CDH3: variants seen among roughly 807,000 people sequenced by gnomAD.
The protein encoded by CDH3 is cadherin 3.
In CDH3, 54 loss-of-function variants were observed where a neutral mutation model predicts 82.0. That is an observed-to-expected ratio of 0.66 (90% CI 0.53 to 0.83). The LOEUF (loss-of-function observed/expected upper bound fraction) is 0.83. Among genes scored for constraint, CDH3 ranks in the 40% least tolerant of loss-of-function variants. The pLI, the probability that CDH3 is intolerant of heterozygous loss-of-function variation, is 0.00. For missense variants in CDH3, 1,054 were observed against 1,084.6 expected (o/e 0.97, Z 0.40); for synonymous variants, 446 against 437.9 (o/e 1.02, Z -0.23).
chr16:68,711,333 AAAAAAGAAAG>A (rs1009694463), intron 1 of CDH3, among the ~76,000 whole-genome samples: 14 of 151,922 alleles, frequency 9.2e-5, no homozygotes, highest in African/African-American at 2.4e-4. Context: ...GAGAAAGAGA[AAAAAAGAAAG>A]AAAAAGAAAG....
At chr16:68,646,056 C>T (rs183212891) in intron 2 of CDH3, 15 of 436,754 alleles carry the variant, frequency 3.4e-5, no homozygotes, top group Middle Eastern at 6.5e-4. Context: ...CCCCCGCTGG[C>T]CCCAGCAGAG....
At chr16:68,685,405 A>G in intron 11 of CDH3, 55 bp downstream of exon 11, 3 of 1,574,436 alleles carry the variant, frequency 1.9e-6, no homozygotes, top group East Asian at 2.2e-5. Flanking sequence ...CTCAGGTCAC[A>G]TGACACAGCA....
At chr16:68,686,702 G>T (rs1238815594) in intron 11 of CDH3, 8 of 758,618 alleles carry the variant, frequency 1.1e-5, no homozygotes, top group Non-Finnish European at 1.7e-5. Context: ...GTCACTATTG[G>T]AATGGCATCA....
At chr16:68,709,250 T>C (rs1415726662) in intron 1 of CDH3, among the ~76,000 whole-genome samples, 1 of 152,086 alleles carries the variant, frequency 6.6e-6, no homozygotes, top group Non-Finnish European at 1.5e-5. Context: ...TGATTTTTTG[T>C]TTTTGGTAAG....
Position 68,687,655 on chromosome 16 carries a change from C to T in CDH3, c.1714C>T (p.Leu572=), listed in dbSNP as rs1567453455. The stretch of plus-strand genomic sequence containing the variant: ...GGTGCTGAACATCACGGACAAGGAC[C>T]TGTCTCCCCACACCTCCCCTTTCCA... The part of the protein sequence containing the change: ...RQVLNITDKD[L]SPHTSPFQAQ... Residue 572 remains leucine, a synonymous_variant, in exon 12 of 16, where the codon CTG becomes TTG. Coordinates refer to ENST00000264012, the MANE Select transcript of CDH3 (RefSeq NM_001793.6). 3 of 1,614,122 alleles carry T rather than the reference C, an allele frequency of 1.9e-6. No individual in the cohort carries two copies. The highest frequency in any genetic ancestry group is 1.1e-5 in the South Asian group (1 of 91,076).
chr16:68,731,391 A>T (rs1447096246), downstream of CDH3, among the ~76,000 whole-genome samples: 84 of 7,338 alleles, frequency 0.011, 11 homozygotes, highest in Middle Eastern at 0.071. Context: ...AAAAAAAAAA[A>T]AAAAATATAT....
chr16:68,728,583 A>T (rs1022150192), downstream of CDH3, among the ~76,000 whole-genome samples: 3 of 152,162 alleles, frequency 2.0e-5, no homozygotes, highest in Non-Finnish European at 2.9e-5. Context: ...GGCTTGAGCC[A>T]CCACGCCCAG....
chr16:68,665,733 G>A (rs939944607), intron 2 of CDH3, among the ~76,000 whole-genome samples: 1 of 152,052 alleles, frequency 6.6e-6, no homozygotes, highest in Non-Finnish European at 1.5e-5. Context: ...TGAGTCAGCC[G>A]CGTTCCAAAC....
intron 1 of CDH3, among the ~76,000 whole-genome samples, chr16:68,711,704 G>T (rs1962033279): frequency 1.3e-5 from 2 of 152,216 alleles, no homozygotes; most frequent in African/African-American, 4.8e-5. Flanking sequence ...CTCCCCACTG[G>T]GGTGGTTTCC....
At chr16:68,689,826 G>A (rs973938445) in intron 12 of CDH3, among the ~76,000 whole-genome samples, 8 of 151,558 alleles carry the variant, frequency 5.3e-5, no homozygotes, top group Admixed American at 2.0e-4. Context: ...GAGATAGGCT[G>A]ACAACCCGGG....
chr16:68,662,271 G>GT, intron 2 of CDH3, among the ~76,000 whole-genome samples: 1 of 152,264 alleles, frequency 6.6e-6, no homozygotes, highest in East Asian at 1.9e-4. Context: ...GAGGCTCAAT[G>GT]TGGCTAGAGA....
At chr16:68,721,464 C>G (rs1023498776) in intron 1 of CDH3, among the ~76,000 whole-genome samples, 4 of 151,976 alleles carry the variant, frequency 2.6e-5, no homozygotes, top group African/African-American at 9.7e-5. Flanking sequence ...GAACTCCTAA[C>G]CTCAGATGAT....
At position 68,707,042 on chromosome 16, in the gene CDH3, TG is replaced by T. The variant is rs1961973580; in HGVS notation, c.99+11124del. On this transcript the variant is annotated intron_variant, in intron 1 of 2. Transcript: ENST00000569080. This position sits in a 1 kb window ranked among gnomAD's most constrained non-coding sequence, Gnocchi z 4.5. ...GGATGGGGCCTAGGGAGGAAGGGCCTGGGGGTAGGGCTCAGTTCTAGGAGCC... is the reference window on the plus strand; with the variant it reads ...GGATGGGGCCTAGGGAGGAAGGGCCTGGGGTAGGGCTCAGTTCTAGGAGCC... 6.6e-6 allele frequency among the ~76,000 whole-genome samples: 1 copy of T among 151,992 alleles called. No homozygotes were observed. The highest frequency in any genetic ancestry group is 1.5e-5 in the Non-Finnish European group (1 of 67,998).
chr16:68,655,114 C>T (rs1960379070), intron 2 of CDH3, among the ~76,000 whole-genome samples: 1 of 152,064 alleles, frequency 6.6e-6, no homozygotes, highest in African/African-American at 2.4e-5. Context: ...TAGCCTCAAG[C>T]AATCGTCTTG....
chr16:68,692,795 CAT>C, intron 13 of CDH3, among the ~76,000 whole-genome samples: 1 of 152,316 alleles, frequency 6.6e-6, no homozygotes, highest in African/African-American at 2.4e-5. Context: ...AGAGATCAAT[CAT>C]ATGAATACAA....
At position 68,725,523 on chromosome 16, in the gene CDH3, C is replaced by T. The variant is rs531655752; in HGVS notation, c.*46-1630C>T. 5.4e-3 allele frequency among the ~76,000 whole-genome samples: 822 copies of T among 151,846 alleles called. 13 individuals are homozygous for T. The highest frequency in any genetic ancestry group is 0.019 in the African/African-American group (792 of 41,490). On this transcript the variant is annotated intron_variant, in intron 2 of 2. Transcript: ENST00000569080. ...TAATTTTTTGTATTTTTAGTAGAGA[C>T]GGGGTTTCACCATGTTAGCCAGGAT...
At chr16:68,664,453 T>G (rs1050163591) in intron 2 of CDH3, among the ~76,000 whole-genome samples, 1 of 152,118 alleles carries the variant, frequency 6.6e-6, no homozygotes, top group African/African-American at 2.4e-5. Context: ...TTTCCCCAGA[T>G]GCACTTCCAG....
chr16:68,711,006 G>A (rs1478646773), intron 1 of CDH3, among the ~76,000 whole-genome samples: 1 of 116,336 alleles, frequency 8.6e-6, no homozygotes, highest in African/African-American at 3.2e-5. Context: ...GGAAAGGGGA[G>A]GGGAGGGGAG....
chr16:68,678,217 G>T lies in CDH3; in HGVS notation c.330G>T (p.Val110=). Residue 110 remains valine (V), a synonymous_variant, in exon 4 of 16, where the codon GTG becomes GTT. Coordinates refer to ENST00000264012, the MANE Select transcript of CDH3 (RefSeq NM_001793.6). ...TACGAAGACACAAGAGAGATTGGGT[G>T]GTTGCTCCAATATCTGTCCCTGAAA... ...RILRRHKRDW[V]VAPISVPENG... is the part of the protein sequence containing the mutation. The T allele has an allele frequency of 6.2e-7, 1 of 1,613,728 alleles. No individual in the cohort carries two copies.
Sources: allele counts gnomAD v4.1 joint callset (sites outside exome capture counted in the v4.1 genomes callset), GRCh38; gene constraint gnomAD v4.1.1; non-coding constraint Gnocchi (gnomAD v3.1); transcripts MANE v1.5; gene names NCBI Gene and HGNC (gene_info 2026-07-23, HGNC 2026-07-21).